The following IRAK3 variants were observed in gnomAD, a reference collection of about 807,000 sequenced individuals.
The protein encoded by IRAK3 is interleukin 1 receptor associated kinase 3.
Under a neutral mutation model 56.6 loss-of-function variants are expected in IRAK3, and 57 were observed. That is an observed-to-expected ratio of 1.01 (90% CI 0.81 to 1.26). IRAK3 has a LOEUF of 1.26. IRAK3 is among the 50% of genes most tolerant of loss of function. IRAK3 has a pLI of 0.00. For synonymous variants in IRAK3, 258 were observed against 255.7 expected, an observed-to-expected ratio of 1.01 and a Z score of -0.09; for missense variants, 703 against 719.0, an observed-to-expected ratio of 0.98 and a Z score of 0.25.
intron 3 of IRAK3, 77 bp from the exon 4 acceptor site, chr12:66,210,070 C>A: frequency 1.1e-6 from 1 of 933,584 alleles, no homozygotes; most frequent in Non-Finnish European, 1.8e-6. Flanking sequence ...CCCCAGGGAG[C>A]TTTGGATTTG....
intron 2 of IRAK3, among the ~76,000 whole-genome samples, chr12:66,204,668 T>G (rs1036206138): frequency 6.6e-5 from 10 of 152,316 alleles, no homozygotes; most frequent in Middle Eastern, 6.8e-3. Flanking sequence ...TTGGAAACTC[T>G]TTTGAATCAA....
intron 9 of IRAK3, 51 bp downstream of exon 9, chr12:66,244,735 C>G (rs772347582): frequency 2.7e-6 from 4 of 1,484,706 alleles, no homozygotes; most frequent in East Asian, 2.3e-5. Context: ...CAAGAATGTT[C>G]TAGATTCTAA....
chr12:66,223,057 G>A (rs2052751034), intron 6 of IRAK3, among the ~76,000 whole-genome samples: 1 of 151,904 alleles, frequency 6.6e-6, no homozygotes, highest in Non-Finnish European at 1.5e-5. Context: ...AAGGTGCTCA[G>A]TGGGGGAGCT....
chr12:66,194,189 G>C (rs1232956572), intron 1 of IRAK3, among the ~76,000 whole-genome samples: 1 of 152,134 alleles, frequency 6.6e-6, no homozygotes, highest in Non-Finnish European at 1.5e-5. Flanking sequence ...TTACAGATGT[G>C]AGCCACCGCT....
chr12:66,238,173 A>G (rs1347847949), intron 8 of IRAK3, among the ~76,000 whole-genome samples: 1 of 152,224 alleles, frequency 6.6e-6, no homozygotes, highest in African/African-American at 2.4e-5. Context: ...TGAGGGGAAC[A>G]GAATGGGGAG....
chr12:66,218,365 A>C (rs904647304), intron 6 of IRAK3, among the ~76,000 whole-genome samples: 6 of 152,204 alleles, frequency 3.9e-5, no homozygotes, highest in Non-Finnish European at 8.8e-5. Flanking sequence ...ATAATGCTGC[A>C]ACAAGAAAAC....
rs917123193 is a variant in IRAK3, at chr12:66,248,596, G to A, written c.*425G>A. 1 of 155,658 alleles carries A rather than the reference G, an allele frequency of 6.4e-6. No homozygotes were observed. The highest frequency in any genetic ancestry group is 2.4e-5 in the African/African-American group (1 of 41,528). The allele number at this position is 155,658 out of a possible 1,614,324, so 9.6% of individuals were successfully genotyped here. A position where few individuals can be genotyped will look rare whatever the true frequency, so the allele number is the denominator to read the frequency against. ...TTGGTTTAGCTTGCTTGCACGGGTT[G>A]TAGGAAATGTCTAATTTGTAAATGT... On this transcript the variant is annotated 3_prime_UTR_variant, in exon 12 of 12. Coordinates refer to ENST00000261233, the MANE Select transcript of IRAK3 (RefSeq NM_007199.3).
chr12:66,220,364 G>A (rs980336987), intron 6 of IRAK3, among the ~76,000 whole-genome samples: 5 of 151,040 alleles, frequency 3.3e-5, no homozygotes, highest in African/African-American at 1.2e-4. Context: ...TGATATATAT[G>A]TAGGTTTATT....
rs937386061 is a variant in IRAK3 at position 66,189,295 on chromosome 12, G to A, written c.-5G>A. ...CCTCGTCCCCGGGGCTCGGGCAGCC[G>A]AGCCATGGCGGGGAACTGTGGGGCC... On this transcript the variant is annotated 5_prime_UTR_variant, in exon 1 of 12. Transcript: ENST00000261233. 1.2e-5 allele frequency: 19 copies of A among 1,536,044 alleles called. No homozygotes were observed. The highest frequency in any genetic ancestry group is 2.0e-4 in the Middle Eastern group (1 of 5,004).
At position 66,248,245 on chromosome 12, in the gene IRAK3, T is replaced by C. The variant is rs984619333; in HGVS notation, c.*74T>C. ...GCATAGGTATGACCTTGGGAAGACATTGGCTCCATAAGCAATGCCAAGAGA... is the reference window on the plus strand; with the variant it reads ...GCATAGGTATGACCTTGGGAAGACACTGGCTCCATAAGCAATGCCAAGAGA... On this transcript the variant is annotated 3_prime_UTR_variant, in exon 12 of 12. Transcript: ENST00000261233. 99 of 1,048,816 alleles carry C rather than the reference T, an allele frequency of 9.4e-5. No homozygotes were observed. The highest frequency in any genetic ancestry group is 1.4e-4 in the Non-Finnish European group (96 of 678,972). The allele number at this position is 1,048,816 out of a possible 1,614,324, so 65.0% of individuals were successfully genotyped here.
intron 11 of IRAK3, among the ~76,000 whole-genome samples, chr12:66,246,305 A>G (rs1003613463): frequency 2.6e-5 from 4 of 152,214 alleles, no homozygotes; most frequent in African/African-American, 9.7e-5. Context: ...ATAATTCAGC[A>G]TCATGGAGGG....
Position 66,189,344 on chromosome 12 carries a change from G to T in IRAK3, c.45G>T (p.Thr15=), listed in dbSNP as rs1005240436. ...CCCGCGGCGCGCTGTCGGCGCACAC[G>T]CTGCTGTTCGACCTGCCGCCCGCGC... is the stretch of plus-strand genomic sequence containing the variant. The part of the protein sequence containing the change: ...CGARGALSAH[T]LLFDLPPALL... Residue 15 remains threonine (T), a synonymous_variant, in exon 1 of 12, where the codon ACG becomes ACT. Transcript: ENST00000261233. 2 of 1,532,166 alleles carry T rather than the reference G, an allele frequency of 1.3e-6. No individual in the cohort carries two copies. Among genetic ancestry groups the T allele is most frequent in the Admixed American group, 2.0e-5 (1 of 50,962 alleles). The allele number at this position is 1,532,166 out of a possible 1,614,324, so 94.9% of individuals were successfully genotyped here.
intron 8 of IRAK3, 51 bp from the exon 9 acceptor site, chr12:66,244,435 T>C (rs756461864): frequency 2.2e-6 from 3 of 1,343,290 alleles, no homozygotes; most frequent in South Asian, 2.3e-5. Flanking sequence ...TTGTTTACAC[T>C]GAAGTGCCTT....
chr12:66,226,859 G>A (rs746437171), intron 7 of IRAK3, 22 bp downstream of exon 7: 1 of 1,358,372 alleles, frequency 7.4e-7, no homozygotes, highest in African/African-American at 1.4e-5. Flanking sequence ...CTATTATTCT[G>A]TCTGATCCTC....
intron 6 of IRAK3, among the ~76,000 whole-genome samples, chr12:66,225,119 A>G (rs1466112044): frequency 6.6e-6 from 1 of 152,104 alleles, no homozygotes; most frequent in Non-Finnish European, 1.5e-5. Context: ...AAGAGAGTAG[A>G]GCACCAGGCC....
At chr12:66,193,175 A>AT (rs954584460) in intron 1 of IRAK3, among the ~76,000 whole-genome samples, 13 of 150,470 alleles carry the variant, frequency 8.6e-5, no homozygotes, top group Admixed American at 2.0e-4. Flanking sequence ...GCCCGGCTTA[A>AT]TTTTTTTTTG....
chr12:66,200,531 G>A (rs1221020357), intron 1 of IRAK3, among the ~76,000 whole-genome samples: 1 of 152,184 alleles, frequency 6.6e-6, no homozygotes, highest in Non-Finnish European at 1.5e-5. Flanking sequence ...CACTAGTAAT[G>A]TCTACCGGGT....
rs1340811388 is a variant in IRAK3 at position 66,249,197 on chromosome 12, T to C, written c.*1026T>C. The C allele has an allele frequency of 1.3e-5, 2 of 152,102 alleles. No homozygotes were observed. Among genetic ancestry groups the C allele is most frequent in the African/African-American group, 4.8e-5 (2 of 41,380 alleles). The allele number at this position is 152,102 out of a possible 1,614,324, so 9.4% of individuals were successfully genotyped here. A position where few individuals can be genotyped will look rare whatever the true frequency, so the allele number is the denominator to read the frequency against. On this transcript the variant is annotated 3_prime_UTR_variant, in exon 12 of 12. Coordinates refer to ENST00000261233, the MANE Select transcript of IRAK3 (RefSeq NM_007199.3). Reference sequence around the variant, plus strand: ...TTTTTTTTTTGAGACGGAGTCTCGCTCTGTCATCCAGGCTGGAGTGCAGTG... The same window carrying C: ...TTTTTTTTTTGAGACGGAGTCTCGCCCTGTCATCCAGGCTGGAGTGCAGTG...
At position 66,250,316 on chromosome 12, in the gene IRAK3, G is replaced by A. The variant is rs188336372; in HGVS notation, c.*2145G>A. 1 of 152,220 alleles carries A rather than the reference G, an allele frequency of 6.6e-6. No individual in the cohort carries two copies. Among genetic ancestry groups the A allele is most frequent in the African/African-American group, 2.4e-5 (1 of 41,544 alleles). 9.4% of individuals were successfully genotyped at this position (152,220 alleles called of 1,614,324 possible). On this transcript the variant is annotated 3_prime_UTR_variant, in exon 12 of 12. Coordinates refer to ENST00000261233, the MANE Select transcript of IRAK3 (RefSeq NM_007199.3). ...TTTATTTTTTTGGTGAGTCAGTATG[G>A]TTGGGTTAATCATATTCACATTAGA...
Sources: gnomAD v4.1 joint callset for allele counts (sites outside exome capture counted in the v4.1 genomes callset) on GRCh38, gnomAD v4.1.1 for gene constraint, MANE v1.5 for transcripts, NCBI Gene and HGNC (gene_info 2026-07-23, HGNC 2026-07-21) for gene names.